The following ASTN1 variants were observed in gnomAD, a reference collection of about 807,000 sequenced individuals.
ASTN1 encodes astrotactin-1.
Under a neutral mutation model 140.7 loss-of-function variants are expected in ASTN1, and 41 were observed. The ratio of observed to expected loss-of-function variants is 0.29; its 90% CI spans 0.23 to 0.38. The LOEUF is 0.38. Among genes scored for constraint, ASTN1 ranks in the 10% least tolerant of loss-of-function variants. The pLI is 1.00. For missense variants in ASTN1, 1,479 were observed against 1,678.8 expected, an observed-to-expected ratio of 0.88 and a Z score of 2.08; for synonymous variants, 640 against 652.2, an observed-to-expected ratio of 0.98 and a Z score of 0.29.
At chr1:176,857,531 A>C (rs934975222), downstream of ASTN1, 1 of 472,548 alleles carries the variant, frequency 2.1e-6, no homozygotes, top group Non-Finnish European at 3.8e-6. Context: ...GACAGAGGTC[A>C]TGAAGGAGAT....
intron 2 of ASTN1, among the ~76,000 whole-genome samples, chr1:177,035,631 T>A (rs1181106855): frequency 1.3e-5 from 2 of 152,230 alleles, no homozygotes; most frequent in African/African-American, 2.4e-5. Flanking sequence ...GGCCTTCAAC[T>A]GAGCTGAATT....
chr1:176,942,784 C>CCTT (rs1230515791), intron 14 of ASTN1, among the ~76,000 whole-genome samples: 1 of 136,874 alleles, frequency 7.3e-6, no homozygotes, highest in Non-Finnish European at 1.6e-5. Context: ...AGTTGTCCCA[C>CCTT]CTTTCCCAGA....
rs1668571150 is a variant in ASTN1, at chr1:176,876,554, T to C, written c.3446A>G (p.Asp1149Gly). 6.2e-7 allele frequency: 1 copy of C among 1,614,176 alleles called. No individual in the cohort carries two copies. The highest frequency in any genetic ancestry group is 8.5e-7 in the Non-Finnish European group (1 of 1,180,006). Reference sequence around the variant, plus strand: ...TCTCTTACCTTGAGCCTTGACATCATCCACCACGGGGCATGGGGTCTTCAC... The same window carrying C: ...TCTCTTACCTTGAGCCTTGACATCACCCACCACGGGGCATGGGGTCTTCAC... ...VIVKTPCPVVDDVKAQEIADK... is the reference protein window; with the variant it reads ...VIVKTPCPVVGDVKAQEIADK... Residue 1149 changes from aspartate to glycine, a missense_variant, in exon 21 of 23, where the codon GAT becomes GGT. This residue lies in a region of ASTN1 where 746 missense variants were observed against 800.9 expected (regional missense o/e 0.93). Transcript: ENST00000361833.
chr1:176,997,180 G>C (rs1421862777), intron 8 of ASTN1, among the ~76,000 whole-genome samples: 1 of 152,152 alleles, frequency 6.6e-6, no homozygotes. Context: ...CACAAGCCAG[G>C]CACTCTCACT....
At chr1:176,890,422 A>T (rs1669212610) in intron 17 of ASTN1, among the ~76,000 whole-genome samples, 1 of 152,144 alleles carries the variant, frequency 6.6e-6, no homozygotes, top group African/African-American at 2.4e-5. Context: ...GCCTGGATGG[A>T]ACTTGACTTC....
At chr1:177,053,702 A>G (rs1199976895) in intron 2 of ASTN1, among the ~76,000 whole-genome samples, 2 of 152,206 alleles carry the variant, frequency 1.3e-5, no homozygotes, top group Non-Finnish European at 2.9e-5. Context: ...CAAAAATGCA[A>G]AAGTTTGTAT....
chr1:177,016,862 C>T (rs886963295), intron 7 of ASTN1, among the ~76,000 whole-genome samples: 3 of 152,174 alleles, frequency 2.0e-5, no homozygotes, highest in Admixed American at 6.5e-5. Flanking sequence ...CTTTTCCTTT[C>T]GGGAAAGACA....
At chr1:176,912,681 C>G (rs957356611) in intron 16 of ASTN1, among the ~76,000 whole-genome samples, 1 of 152,136 alleles carries the variant, frequency 6.6e-6, no homozygotes, top group Admixed American at 6.5e-5. Flanking sequence ...TTCTTTTAAC[C>G]ACTAAGCTAT....
intron 8 of ASTN1, chr1:176,976,814 G>A (rs1392134407): frequency 6.6e-6 from 1 of 152,120 alleles, no homozygotes; most frequent in East Asian, 1.9e-4. Flanking sequence ...CCCGTCAATG[G>A]GCACAGTCTG....
intron 1 of ASTN1, among the ~76,000 whole-genome samples, chr1:177,155,751 T>A (rs1683208321): frequency 6.6e-6 from 1 of 152,132 alleles, no homozygotes; most frequent in Non-Finnish European, 1.5e-5. Flanking sequence ...TAATGATAAT[T>A]AGATAATGGA....
chr1:177,146,372 A>T (rs978944443), intron 1 of ASTN1, among the ~76,000 whole-genome samples: 1 of 152,240 alleles, frequency 6.6e-6, no homozygotes, highest in Admixed American at 6.5e-5. Flanking sequence ...AAACTCAAGC[A>T]TTAATTTCTT....
In ASTN1 at chr1:177,164,664, C is replaced by G; in HGVS notation, c.13G>C (p.Gly5Arg). The change falls in exon 1 of 23, where the codon GGG becomes CGG. Residue 5 changes from glycine (G) to arginine (R), a missense_variant. Gly to Arg is a moderately radical substitution (Grantham distance 125). Coordinates refer to ENST00000361833, the MANE Select transcript of ASTN1 (RefSeq NM_004319.3). MALAGLCALLACCWG... is the reference protein window; with the variant it reads MALARLCALLACCWG... ...CAGCAGGCGAGCAGGGCGCAGAGCC[C>G]GGCTAAAGCCATCTTGAGCCCCGGC... 6.3e-7 allele frequency: 1 copy of G among 1,579,598 alleles called. No individual in the cohort carries two copies. The highest frequency in any genetic ancestry group is 1.1e-5 in the South Asian group (1 of 87,774).
chr1:176,928,882 A>G (rs1671084644), intron 16 of ASTN1, among the ~76,000 whole-genome samples: 1 of 152,222 alleles, frequency 6.6e-6, no homozygotes. Context: ...TCCAGGAATT[A>G]GGCAACAGAA....
At chr1:176,997,020 T>C (rs1674488485) in intron 8 of ASTN1, among the ~76,000 whole-genome samples, 1 of 152,096 alleles carries the variant, frequency 6.6e-6, no homozygotes, top group African/African-American at 2.4e-5. Flanking sequence ...TGGCCAGTGG[T>C]CAGCTGAAAG....
chr1:176,900,042 T>G (rs868116579), intron 16 of ASTN1, among the ~76,000 whole-genome samples: 1 of 152,138 alleles, frequency 6.6e-6, no homozygotes, highest in African/African-American at 2.4e-5. Context: ...TCTCCATATA[T>G]CCATGAACAT....
intron 8 of ASTN1, among the ~76,000 whole-genome samples, chr1:176,997,995 C>A (rs1033930425): frequency 6.6e-6 from 1 of 152,130 alleles, no homozygotes; most frequent in African/African-American, 2.4e-5. Flanking sequence ...ACAAGCAGTT[C>A]AATCGGGCTT....
intron 16 of ASTN1, among the ~76,000 whole-genome samples, chr1:176,912,020 T>C (rs1189099071): frequency 6.6e-6 from 1 of 152,196 alleles, no homozygotes; most frequent in Non-Finnish European, 1.5e-5. Flanking sequence ...GTCATATACG[T>C]GGGCTTGCAT....
intron 11 of ASTN1, among the ~76,000 whole-genome samples, chr1:176,950,358 G>T (rs1672144110): frequency 6.6e-6 from 1 of 152,112 alleles, no homozygotes; most frequent in Admixed American, 6.5e-5. Context: ...ACCCTTTGTA[G>T]GTTGGCTGTG....
chr1:176,903,940 C>T (rs1669874383), intron 16 of ASTN1, among the ~76,000 whole-genome samples: 1 of 152,182 alleles, frequency 6.6e-6, no homozygotes, highest in Non-Finnish European at 1.5e-5. Flanking sequence ...AGCTGCCTCA[C>T]ACTAATCTTG....
Sources: allele counts gnomAD v4.1 joint callset (sites outside exome capture counted in the v4.1 genomes callset), GRCh38; gene constraint gnomAD v4.1.1; regional missense constraint gnomAD v4.1.1; transcripts MANE v1.5; gene names NCBI Gene and HGNC (gene_info 2026-07-23, HGNC 2026-07-21).